FCSK: variants seen among roughly 807,000 people sequenced by gnomAD.
FCSK encodes the protein fucose kinase.
Under a neutral mutation model 122.5 loss-of-function variants are expected in FCSK, and 123 were observed. The ratio of observed to expected loss-of-function variants is 1.00; its 90% CI spans 0.87 to 1.17. The LOEUF (loss-of-function observed/expected upper bound fraction) is 1.17, where lower values mean the gene tolerates loss of function less well. Ranked by LOEUF, FCSK falls within the 50% of genes most tolerant of loss-of-function variation. The pLI, the probability that FCSK is intolerant of heterozygous loss-of-function variation, is 0.00. For synonymous variants in FCSK, 620 were observed against 625.5 expected (o/e 0.99, Z 0.13); for missense variants, 1,366 against 1,450.4 (o/e 0.94, Z 0.95).
At chr16:70,467,617 C>G (rs2048464454) in intron 7 of FCSK, 146 bp downstream of exon 7, 2 of 684,388 alleles carry the variant, frequency 2.9e-6, no homozygotes, top group African/African-American at 3.6e-5. Flanking sequence ...GCAGTGGCAC[C>G]AGTGCTCCCT....
At chr16:70,479,129 G>A (rs1335543332) in intron 22 of FCSK, 51 bp from the exon 23 acceptor site, 1 of 1,363,784 alleles carries the variant, frequency 7.3e-7, no homozygotes, top group Admixed American at 1.7e-5. Flanking sequence ...TCTCCAGATG[G>A]GTGCTGAGTA....
intron 1 of FCSK, among the ~76,000 whole-genome samples, chr16:70,459,863 A>G (rs1046455634): frequency 3.4e-5 from 5 of 146,276 alleles, no homozygotes; most frequent in Non-Finnish European, 7.5e-5. Flanking sequence ...GTGCAATGGT[A>G]TGGTCTCGGC....
At position 70,471,237 on chromosome 16, in the gene FCSK, C is replaced by T; in HGVS notation, c.1226C>T (p.Ser409Phe). The T allele has an allele frequency of 1.9e-6, 3 of 1,611,158 alleles. No individual in the cohort carries two copies. The highest frequency in any genetic ancestry group is 2.5e-6 in the Non-Finnish European group (3 of 1,179,380). The change falls in exon 13 of 24, where the codon TCC becomes TTC. Residue 409 changes from serine to phenylalanine, a missense_variant. Physicochemically the swap from Ser to Phe is radical, Grantham distance 155. Coordinates refer to ENST00000288078, the MANE Select transcript of FCSK (RefSeq NM_145059.3). ...CLVTGLDTAH[S>F]KALHGRELRD... Reference sequence around the variant, plus strand: ...GTGACTGGCCTGGATACAGCCCACTCCAAGGCCCTGCATGGCCGGGAGCTG... The same window carrying T: ...GTGACTGGCCTGGATACAGCCCACTTCAAGGCCCTGCATGGCCGGGAGCTG...
At chr16:70,470,472 A>C (rs756889745) in intron 11 of FCSK, 46 bp downstream of exon 11, 2 of 1,221,220 alleles carry the variant, frequency 1.6e-6, no homozygotes, top group East Asian at 2.3e-5. Context: ...GTCTGGGGTC[A>C]GGTGGGATGT....
chr16:70,468,888 C>G lies in FCSK; in HGVS notation c.703C>G (p.Arg235Gly). The change falls in exon 9 of 24, where the codon CGC (arginine) becomes GGC (glycine). Residue 235 changes from arginine (R) to glycine (G), a missense_variant. Coordinates refer to ENST00000288078, the MANE Select transcript of FCSK (RefSeq NM_145059.3). ...VVFFSVETAE[R>G]LLATHVSPPL... ...CTTCTTCTCTGTGGAGACTGCCGAGCGCCTCCTAGCCACCCACGTGAGCCC... is the reference window on the plus strand; with the variant it reads ...CTTCTTCTCTGTGGAGACTGCCGAGGGCCTCCTAGCCACCCACGTGAGCCC... 1.2e-6 allele frequency: 2 copies of G among 1,613,974 alleles called. No individual in the cohort carries two copies. The highest frequency in any genetic ancestry group is 1.7e-6 in the Non-Finnish European group (2 of 1,179,972).
At chr16:70,466,537 T>A (rs913028203) in intron 5 of FCSK, 19 of 472,390 alleles carry the variant, frequency 4.0e-5, no homozygotes, top group African/African-American at 1.2e-4. Flanking sequence ...TACAAAAAAA[T>A]TTTTAAAAAA....
rs1213222764 is a variant in FCSK, at chr16:70,474,920, G to T, written c.2286G>T (p.Leu762=). Reference sequence around the variant, plus strand: ...GCATCCCGGAGCCTGAGCTGTGGCTGGCGGTGGGGCCTCGGCAGGATGAGA... The same window carrying T: ...GCATCCCGGAGCCTGAGCTGTGGCTTGCGGTGGGGCCTCGGCAGGATGAGA... ...ARRIPEPELW[L]AVGPRQDEMT... is the part of the protein sequence containing the mutation. The change falls in exon 18 of 24, where the codon CTG becomes CTT. Residue 762 remains leucine, a synonymous_variant. Coordinates refer to ENST00000288078, the MANE Select transcript of FCSK (RefSeq NM_145059.3). The T allele has an allele frequency of 4.3e-6, 7 of 1,611,304 alleles. No individual in the cohort carries two copies.
At position 70,463,660 on chromosome 16, in the gene FCSK, T is replaced by C; in HGVS notation, c.120T>C (p.Ala40=). ...GGCAGAAGCGGGAGCAGATCCCTGC[T>C]GGGACGCTGTTACTGGCCGTGGAGG... ...EVRQKREQIP[A]GTLLLAVEDP... is the part of the protein sequence containing the mutation. Residue 40 remains alanine, a synonymous_variant, in exon 3 of 24, where the codon GCT becomes GCC. Coordinates refer to ENST00000288078, the MANE Select transcript of FCSK (RefSeq NM_145059.3). 6.2e-7 allele frequency: 1 copy of C among 1,613,502 alleles called. No homozygotes were observed. The highest frequency in any genetic ancestry group is 8.5e-7 in the Non-Finnish European group (1 of 1,180,016).
intron 1 of FCSK, among the ~76,000 whole-genome samples, chr16:70,457,604 G>A (rs2048128765): frequency 6.6e-6 from 1 of 151,694 alleles, no homozygotes; most frequent in Admixed American, 6.6e-5. Flanking sequence ...TCCTCAGACA[G>A]GGTCTGGCTT....
At chr16:70,462,546 G>A (rs1422126615) in intron 1 of FCSK, among the ~76,000 whole-genome samples, 5 of 150,490 alleles carry the variant, frequency 3.3e-5, no homozygotes, top group Non-Finnish European at 4.4e-5. Flanking sequence ...GGCTGGTCTC[G>A]AACTCCTGAC....
intron 11 of FCSK, 77 bp from the exon 12 acceptor site, chr16:70,470,894 G>C: frequency 7.5e-7 from 1 of 1,330,908 alleles, no homozygotes; most frequent in Non-Finnish European, 1.0e-6. Flanking sequence ...TTTGCCCCTG[G>C]ATGCTTGGCT....
intron 20 of FCSK, 183 bp downstream of exon 20, chr16:70,475,950 A>C (rs936560082): frequency 1.6e-5 from 9 of 556,696 alleles, no homozygotes; most frequent in South Asian, 1.2e-4. Context: ...GAAATGTTCT[A>C]CCTCCCAACG....
intron 4 of FCSK, among the ~76,000 whole-genome samples, chr16:70,465,554 A>G (rs2048391040): frequency 6.6e-6 from 1 of 152,066 alleles, no homozygotes; most frequent in African/African-American, 2.4e-5. Flanking sequence ...GCTACTCAGG[A>G]GGCTGAGGTG....
At chr16:70,464,926 A>G (rs1244220178) in intron 3 of FCSK, 200 bp from the exon 4 acceptor site, 3 of 1,112,818 alleles carry the variant, frequency 2.7e-6, no homozygotes, top group African/African-American at 1.6e-5. Flanking sequence ...AAGGTGGCCC[A>G]GGTGGAGGGC....
chr16:70,465,918 A>C (rs2048404232), intron 4 of FCSK, among the ~76,000 whole-genome samples: 1 of 152,232 alleles, frequency 6.6e-6, no homozygotes, highest in African/African-American at 2.4e-5. Flanking sequence ...GCACTACTGC[A>C]CTACAGCCTG....
chr16:70,474,514 C>A lies in FCSK; in HGVS notation c.1989-14C>A. ...GGGGCTGCATGCCACCATCCCTCCC[C>A]CTTCTCTTGGCAGGCCAGCCTTGCT... On this transcript the variant is annotated splice_polypyrimidine_tract_variant and intron_variant, in intron 16 of 23. Coordinates refer to ENST00000288078, the MANE Select transcript of FCSK (RefSeq NM_145059.3). 3 of 1,547,170 alleles carry A rather than the reference C, an allele frequency of 1.9e-6. No individual in the cohort carries two copies. Among genetic ancestry groups the A allele is most frequent in the East Asian group, 2.4e-5 (1 of 40,988 alleles).
chr16:70,464,967 G>GCTGC (rs1246971803), intron 3 of FCSK, 159 bp from the exon 4 acceptor site: 6 of 1,511,814 alleles, frequency 4.0e-6, no homozygotes, highest in Non-Finnish European at 5.4e-6. Flanking sequence ...AGGGACCAGG[G>GCTGC]CTGCCCCTTG....
At position 70,471,330 on chromosome 16, in the gene FCSK, T is replaced by A. The variant is rs764037766; in HGVS notation, c.1319T>A (p.Val440Asp). The change falls in exon 13 of 24, where the codon GTT (valine) becomes GAT (aspartate). Residue 440 changes from valine to aspartate, a missense_variant. By Grantham distance (152) the Val-to-Asp change is radical. Coordinates refer to ENST00000288078, the MANE Select transcript of FCSK (RefSeq NM_145059.3). ...TCCCCGGGCCACGCCTTCACCCTCG[T>A]TGGCCGTCTGGACAGCTGGGAGGTA... Reference protein sequence around the residue: ...HGSPGHAFTLVGRLDSWERQG... With the variant: ...HGSPGHAFTLDGRLDSWERQG... The A allele has an allele frequency of 6.3e-7, 1 of 1,593,386 alleles. No individual in the cohort carries two copies. Among genetic ancestry groups the A allele is most frequent in the Admixed American group, 1.7e-5 (1 of 57,780 alleles).
chr16:70,467,290 C>T lies in FCSK; in HGVS notation c.485-84C>T, dbSNP rs563609257. 3.2e-3 allele frequency: 2,971 copies of T among 938,280 alleles called. 24 individuals carry two copies. The highest frequency in any genetic ancestry group is 3.7e-3 in the Non-Finnish European group (2,273 of 611,352). The allele number at this position is 938,280 out of a possible 1,614,324, so 58.1% of individuals were successfully genotyped here. On this transcript the variant is annotated intron_variant, in intron 6 of 23. Coordinates refer to ENST00000288078, the MANE Select transcript of FCSK (RefSeq NM_145059.3). ...TTTAGAGGTGCCCAGGTGCCGCAGC[C>T]CTGGGCTCTTGCTTCCACCTGGTGG...
Sources: gnomAD v4.1 joint callset for allele counts (sites outside exome capture counted in the v4.1 genomes callset) on GRCh38, gnomAD v4.1.1 for gene constraint, MANE v1.5 for transcripts, NCBI Gene and HGNC (gene_info 2026-07-23, HGNC 2026-07-21) for gene names.